Variants in ANKS1B observed in about 807,000 individuals in gnomAD.
ANKS1B encodes the protein ankyrin repeat and sterile alpha motif domain containing 1B.
ANKS1B carries 36 observed loss-of-function variants against 148.3 expected under a neutral mutation model. The ratio of observed to expected loss-of-function variants is 0.24; its 90% confidence interval spans 0.19 to 0.32. The LOEUF is 0.32. Ranked by LOEUF, ANKS1B falls within the 10% of genes least tolerant of loss-of-function variation. The pLI, the probability that ANKS1B is intolerant of heterozygous loss-of-function variation, is 1.00. For synonymous variants in ANKS1B, 542 were observed against 560.8 expected, an observed-to-expected ratio of 0.97 and a Z score of 0.47; for missense variants, 1,157 against 1,542.6, an observed-to-expected ratio of 0.75 and a Z score of 4.19.
intron 12 of ANKS1B, among the ~76,000 whole-genome samples, chr12:99,292,905 A>G (rs908941243): frequency 2.0e-5 from 3 of 152,190 alleles, no homozygotes; most frequent in African/African-American, 4.8e-5. Flanking sequence ...TGTTGGTGGG[A>G]GTGTAAATTA....
chr12:98,933,465 G>A (rs2099815550), intron 17 of ANKS1B, among the ~76,000 whole-genome samples: 1 of 152,058 alleles, frequency 6.6e-6, no homozygotes, highest in Non-Finnish European at 1.5e-5. Context: ...ATATAAGAGT[G>A]CTAATACCTC....
chr12:99,200,621 G>A (rs2081965458), intron 14 of ANKS1B, among the ~76,000 whole-genome samples: 1 of 152,164 alleles, frequency 6.6e-6, no homozygotes, highest in Admixed American at 6.6e-5. Flanking sequence ...GGGGAAGCTA[G>A]TGACCTCTTC....
intron 9 of ANKS1B, among the ~76,000 whole-genome samples, chr12:99,523,297 G>A (rs1282853199): frequency 1.3e-5 from 2 of 152,146 alleles, no homozygotes; most frequent in African/African-American, 4.8e-5. Context: ...TGTGAGAAAA[G>A]ATTAAATAAG....
intron 12 of ANKS1B, among the ~76,000 whole-genome samples, chr12:99,376,644 G>A (rs2093401787): frequency 6.6e-6 from 1 of 152,124 alleles, no homozygotes; most frequent in African/African-American, 2.4e-5. Context: ...TAAATTGCAT[G>A]GTTCAAGTAA....
At chr12:99,015,295 G>A (rs2099941777) in intron 17 of ANKS1B, among the ~76,000 whole-genome samples, 2 of 152,174 alleles carry the variant, frequency 1.3e-5, no homozygotes, top group Admixed American at 1.3e-4. Flanking sequence ...AATACCTCAT[G>A]TTCTCATTTA....
chr12:99,788,552 C>T (rs1051934816), intron 4 of ANKS1B, among the ~76,000 whole-genome samples: 3 of 152,132 alleles, frequency 2.0e-5, no homozygotes, highest in Admixed American at 6.5e-5. Flanking sequence ...GTGGTGGCTA[C>T]GGTGAACAAC....
At chr12:99,046,807 TAA>T (rs1265969829) in intron 17 of ANKS1B, among the ~76,000 whole-genome samples, 1 of 80,560 alleles carries the variant, frequency 1.2e-5, no homozygotes, top group Non-Finnish European at 2.6e-5. Context: ...GACTCTGTCT[TAA>T]AAAAAAAGAA....
chr12:99,737,427 T>C (rs2059713884), intron 8 of ANKS1B, among the ~76,000 whole-genome samples: 1 of 152,048 alleles, frequency 6.6e-6, no homozygotes, highest in Admixed American at 6.5e-5. Flanking sequence ...TGAAATAAGC[T>C]AGACATACAA....
Position 98,938,965 on chromosome 12 carries a change from G to T in ANKS1B, c.2779-106829C>A, listed in dbSNP as rs2099828765. ...TGAGTTTTAACAAGATAACATACAG[G>T]ATAACAAAAAGGCAAAAGTTTATTA... On this transcript the variant is annotated intron_variant, in intron 17 of 26. Coordinates refer to ENST00000683438, the MANE Select transcript of ANKS1B (RefSeq NM_001352186.2). Among the ~76,000 whole-genome samples the T allele has an allele frequency of 2.6e-5, 4 of 152,184 alleles. No individual in the cohort carries two copies. In the South Asian group the frequency reaches 8.3e-4, roughly 31 times the overall value.
At chr12:99,735,985 T>C (rs2059584638) in intron 8 of ANKS1B, among the ~76,000 whole-genome samples, 1 of 150,144 alleles carries the variant, frequency 6.7e-6, no homozygotes, top group Non-Finnish European at 1.5e-5. Flanking sequence ...ACATAATATA[T>C]CACATCAACA....
At chr12:98,756,164 C>G (rs2098236242) in intron 25 of ANKS1B, among the ~76,000 whole-genome samples, 1 of 152,160 alleles carries the variant, frequency 6.6e-6, no homozygotes, top group Admixed American at 6.5e-5. Context: ...TGAATTCTAG[C>G]TCCCATAATT....
intron 8 of ANKS1B, among the ~76,000 whole-genome samples, chr12:99,681,078 A>G (rs1487330658): frequency 1.3e-5 from 2 of 152,066 alleles, no homozygotes; most frequent in Admixed American, 1.3e-4. Context: ...GTAGCCAAAG[A>G]CAAAAGACAT....
intron 14 of ANKS1B, among the ~76,000 whole-genome samples, chr12:99,179,471 A>C (rs913687825): frequency 6.6e-6 from 1 of 151,598 alleles, no homozygotes; most frequent in Non-Finnish European, 1.5e-5. Context: ...TATCTATTTT[A>C]AGGAATAAAC....
At chr12:99,207,038 G>C (rs952539817) in intron 14 of ANKS1B, among the ~76,000 whole-genome samples, 7 of 152,262 alleles carry the variant, frequency 4.6e-5, no homozygotes, top group Admixed American at 4.6e-4. Context: ...GTCTGGATTT[G>C]TAGATTTCCT....
chr12:98,755,158 CAT>C (rs1329995001), intron 25 of ANKS1B, among the ~76,000 whole-genome samples: 1 of 152,090 alleles, frequency 6.6e-6, no homozygotes, highest in African/African-American at 2.4e-5. Context: ...CCTCAGGACA[CAT>C]GTGTGAATGG....
intron 14 of ANKS1B, among the ~76,000 whole-genome samples, chr12:99,235,140 A>G (rs1017131133): frequency 2.0e-5 from 3 of 152,212 alleles, no homozygotes; most frequent in Non-Finnish European, 4.4e-5. Flanking sequence ...TAGAAAGAGA[A>G]GAAAAAATAA....
At chr12:99,917,151 T>C (rs2094196783) in intron 1 of ANKS1B, among the ~76,000 whole-genome samples, 1 of 152,198 alleles carries the variant, frequency 6.6e-6, no homozygotes, top group Non-Finnish European at 1.5e-5. Context: ...GGGCTAGTGG[T>C]TCTGCTAATT....
intron 17 of ANKS1B, among the ~76,000 whole-genome samples, chr12:98,925,732 G>A (rs1043670425): frequency 1.1e-4 from 17 of 152,090 alleles, no homozygotes; most frequent in Non-Finnish European, 4.4e-5. Flanking sequence ...GGAGGGGACA[G>A]GTCAGGTATG....
At chr12:99,493,139 A>C (rs2096570607) in intron 10 of ANKS1B, among the ~76,000 whole-genome samples, 1 of 152,202 alleles carries the variant, frequency 6.6e-6, no homozygotes, top group South Asian at 2.1e-4. Flanking sequence ...AGGAGCATTG[A>C]AAATAACTCT....
Sources: gnomAD v4.1 joint callset for allele counts (sites outside exome capture counted in the v4.1 genomes callset) on GRCh38, gnomAD v4.1.1 for gene constraint, MANE v1.5 for transcripts, NCBI Gene and HGNC (gene_info 2026-07-23, HGNC 2026-07-21) for gene names.